The following GAK variants were observed in gnomAD, a reference collection of about 807,000 sequenced individuals.
GAK encodes cyclin G associated kinase, also known as cyclin-G-associated kinase.
A neutral mutation model predicts 143.9 loss-of-function variants in GAK; 79 were observed. That is an observed-to-expected ratio of 0.55 (90% CI 0.46 to 0.66). GAK has a LOEUF of 0.66. Among genes scored for constraint, GAK ranks in the 30% least tolerant of loss-of-function variants. GAK has a pLI of 0.00. For missense variants in GAK, 1,693 were observed against 1,779.7 expected, an observed-to-expected ratio of 0.95 and a Z score of 0.88; for synonymous variants, 881 against 765.5, an observed-to-expected ratio of 1.15 and a Z score of -2.49.
At chr4:864,526 C>T (rs1201097052) in intron 23 of GAK, among the ~76,000 whole-genome samples, 2 of 152,232 alleles carry the variant, frequency 1.3e-5, no homozygotes, top group African/African-American at 2.4e-5. Context: ...CTGCAGCATA[C>T]GCATCCGCGC....
At chr4:904,363 G>C (rs1720658265) in intron 5 of GAK, among the ~76,000 whole-genome samples, 1 of 136,934 alleles carries the variant, frequency 7.3e-6, no homozygotes, top group Admixed American at 7.1e-5. Context: ...CCCGCACACA[G>C]AGGCCTTGGC....
In GAK at chr4:893,998, G is replaced by A. The variant is rs1718213524; in HGVS notation, c.753C>T (p.Cys251=). 1 of 1,607,390 alleles carries A rather than the reference G, an allele frequency of 6.2e-7. No homozygotes were observed. The highest frequency in any genetic ancestry group is 8.5e-7 in the Non-Finnish European group (1 of 1,177,088). The part of the protein sequence containing the change: ...GEKQDIWALG[C]ILYLLCFRQH... ...GCCGGAAGCACAGCAGGTACAAGAT[G>A]CAGCCCAGGGCCTGCGGGGAGAGCA... Residue 251 remains cysteine, a synonymous_variant, in exon 8 of 28, where the codon TGC becomes TGT. Transcript: ENST00000314167.
At chr4:871,018 G>A (rs905395038) in intron 18 of GAK, 114 bp from the exon 19 acceptor site, 113 of 941,124 alleles carry the variant, frequency 1.2e-4, no homozygotes, top group Non-Finnish European at 1.4e-4. Flanking sequence ...GCAGCGGGGC[G>A]AGAACAACCA....
At chr4:903,300 C>T (rs920315505) in intron 5 of GAK, among the ~76,000 whole-genome samples, 6 of 152,192 alleles carry the variant, frequency 3.9e-5, no homozygotes, top group African/African-American at 9.7e-5. Flanking sequence ...CGGAGAAACC[C>T]GTGGTGACAG....
chr4:926,883 C>G (rs1158128223), intron 1 of GAK, among the ~76,000 whole-genome samples: 1 of 123,242 alleles, frequency 8.1e-6, no homozygotes, highest in Admixed American at 8.0e-5. Context: ...CAACCCCCCC[C>G]ACCCCGCTCA....
At chr4:880,896 C>T (rs1395427953) in intron 15 of GAK, among the ~76,000 whole-genome samples, 1 of 152,198 alleles carries the variant, frequency 6.6e-6, no homozygotes, top group African/African-American at 2.4e-5. Context: ...CTCAGACGCC[C>T]CCTGCTGAAC....
At chr4:850,130 C>G (rs868135367) in intron 26 of GAK, 62 bp from the exon 27 acceptor site, 2 of 1,459,466 alleles carry the variant, frequency 1.4e-6, no homozygotes, top group African/African-American at 1.4e-5. Flanking sequence ...CTCTGCACCG[C>G]GGAAACTGAG....
At chr4:894,859 T>C (rs1718456447) in intron 7 of GAK, 3 of 152,128 alleles carry the variant, frequency 2.0e-5, no homozygotes, top group African/African-American at 7.2e-5. Flanking sequence ...TGCATGCCTG[T>C]AGTCCCAGCT....
chr4:932,236 G>T lies in GAK; in HGVS notation c.-49C>A. ...CGGCAGCCGGAGTGGTCGGGCTCGG[G>T]CTCCCGCTCCCTCGCCGTCCGGGTC... On this transcript the variant is annotated 5_prime_UTR_variant, in exon 1 of 28. Coordinates refer to ENST00000314167, the MANE Select transcript of GAK (RefSeq NM_005255.4). The surrounding 1 kb of genome is among the most constrained non-coding windows in gnomAD (Gnocchi z 4.0). The T allele has an allele frequency of 6.8e-7, 1 of 1,476,822 alleles. No individual in the cohort carries two copies. Among genetic ancestry groups the T allele is most frequent in the South Asian group, 1.3e-5 (1 of 75,326 alleles). The allele number at this position is 1,476,822 out of a possible 1,614,324, so 91.5% of individuals were successfully genotyped here.
chr4:849,750 G>A lies in GAK; in HGVS notation c.3859C>T (p.His1287Tyr), dbSNP rs1309863820. 1.2e-6 allele frequency: 2 copies of A among 1,613,200 alleles called. No individual in the cohort carries two copies. Among genetic ancestry groups the A allele is most frequent in the Non-Finnish European group, 1.7e-6 (2 of 1,179,620 alleles). ...DKAAGQPYEQ[H>Y]AKMIFMELND... ...AGCTCCATGAAGATCATCTTGGCGT[G>A]CTGCTCGTACGGCTGCCCCGCAGCC... Residue 1287 changes from histidine (H) to tyrosine (Y), a missense_variant, in exon 28 of 28, where the codon CAC becomes TAC. His to Tyr is a moderately conservative substitution (Grantham distance 83). Around this residue, in one of 2 missense-constraint regions of GAK, gnomAD observed 822 missense variants for 788.7 expected, o/e 1.04. Coordinates refer to ENST00000314167, the MANE Select transcript of GAK (RefSeq NM_005255.4).
At chr4:911,840 G>A (rs1476700314) in intron 3 of GAK, 53 bp from the exon 4 acceptor site, 1 of 1,340,518 alleles carries the variant, frequency 7.5e-7, no homozygotes, top group African/African-American at 1.4e-5. Context: ...ACAGTTCTGT[G>A]CACTTCAAAA....
Position 868,554 on chromosome 4 carries a change from T to A in GAK, c.2380A>T (p.Thr794Ser), listed in dbSNP as rs147004796. The A allele has an allele frequency of 6.2e-7, 1 of 1,608,078 alleles. No homozygotes were observed. Among genetic ancestry groups the A allele is most frequent in the Non-Finnish European group, 8.5e-7 (1 of 1,178,592 alleles). The part of the protein sequence containing the change: ...SSADASRFLH[T>S]LDWQEEKEAE... ...CGCTGCCTACCCTGCCAGTCCAGCG[T>A]GTGCAGGAAGCGACTGGCGTCCGCG... The change falls in exon 20 of 28, where the codon ACG becomes TCG. Residue 794 changes from threonine to serine, a missense_variant. Coordinates refer to ENST00000314167, the MANE Select transcript of GAK (RefSeq NM_005255.4).
At chr4:893,337 C>A in intron 9 of GAK, 40 bp downstream of exon 9, 1 of 1,414,058 alleles carries the variant, frequency 7.1e-7, no homozygotes, top group South Asian at 1.4e-5. Flanking sequence ...GCCTCCTTCA[C>A]CACTGCGGGG....
intron 11 of GAK, among the ~76,000 whole-genome samples, chr4:884,870 C>T (rs1032739599): frequency 6.6e-5 from 10 of 152,188 alleles, no homozygotes; most frequent in Non-Finnish European, 1.3e-4. Flanking sequence ...GAGGTGCTGT[C>T]CCCATCAGAG....
At chr4:884,164 G>A (rs377700113) in intron 11 of GAK, 78 bp from the exon 12 acceptor site, 15 of 1,298,540 alleles carry the variant, frequency 1.2e-5, no homozygotes, top group South Asian at 1.1e-4. Flanking sequence ...GCCAGAGCCC[G>A]AGGCCTGGAG....
intron 1 of GAK, among the ~76,000 whole-genome samples, chr4:931,106 C>CA (rs937412897): frequency 4.1e-4 from 62 of 152,312 alleles, no homozygotes; most frequent in African/African-American, 1.4e-3. Flanking sequence ...CACCACTGGA[C>CA]AAAAAATGTA....
At chr4:874,743 G>A (rs993235479) in intron 18 of GAK, among the ~76,000 whole-genome samples, 1 of 151,182 alleles carries the variant, frequency 6.6e-6, no homozygotes. Flanking sequence ...CATCAGTTTA[G>A]GAAAATTTTT....
intron 10 of GAK, among the ~76,000 whole-genome samples, chr4:889,204 C>T (rs368589728): frequency 1.3e-5 from 2 of 152,172 alleles, no homozygotes; most frequent in African/African-American, 4.8e-5. Context: ...TCAGCACTGG[C>T]AGGTCTACCC....
intron 18 of GAK, among the ~76,000 whole-genome samples, chr4:874,697 G>A (rs573543585): frequency 3.3e-5 from 5 of 151,354 alleles, no homozygotes; most frequent in South Asian, 2.1e-4. Flanking sequence ...CCTCTTTGGC[G>A]TCTGCAGAGC....
Sources: allele counts gnomAD v4.1 joint callset (sites outside exome capture counted in the v4.1 genomes callset), GRCh38; gene constraint gnomAD v4.1.1; regional missense constraint gnomAD v4.1.1; non-coding constraint Gnocchi (gnomAD v3.1); transcripts MANE v1.5; gene names NCBI Gene and HGNC (gene_info 2026-07-23, HGNC 2026-07-21).